The following KIAA0319 variants were observed in gnomAD, a reference collection of about 807,000 sequenced individuals.
KIAA0319 encodes dyslexia-associated protein KIAA0319.
A neutral mutation model predicts 108.4 loss-of-function variants in KIAA0319; 83 were observed. The observed-to-expected ratio is 0.77, with a 90% CI of 0.64 to 0.92. KIAA0319 has a LOEUF of 0.92. KIAA0319 is among the 40% of genes least tolerant of loss of function. The probability of loss-of-function intolerance (pLI) is 0.00; values close to 1 mark genes in which losing one functional copy is unlikely to be tolerated. For missense variants in KIAA0319, 1,195 were observed against 1,322.4 expected (o/e 0.90, Z 1.49); for synonymous variants, 484 against 510.4 (o/e 0.95, Z 0.70).
chr6:24,579,830 A>C (rs1204595604), intron 8 of KIAA0319, 28 bp downstream of exon 8: 1 of 1,555,230 alleles, frequency 6.4e-7, no homozygotes, highest in African/African-American at 1.4e-5. Flanking sequence ...GAAAAAAAGA[A>C]ATCCCTAAAC....
intron 11 of KIAA0319, among the ~76,000 whole-genome samples, chr6:24,571,288 T>G (rs1317098120): frequency 1.3e-5 from 2 of 149,230 alleles, no homozygotes; most frequent in African/African-American, 2.5e-5. Context: ...ACACCTGTAA[T>G]CCCAGTACTT....
chr6:24,572,431 A>T, intron 11 of KIAA0319, 144 bp downstream of exon 11: 2 of 876,256 alleles, frequency 2.3e-6, no homozygotes, highest in Non-Finnish European at 3.4e-6. Flanking sequence ...GGCAAGATTT[A>T]GAACCTTGAA....
intron 1 of KIAA0319, among the ~76,000 whole-genome samples, chr6:24,638,759 CAAA>C (rs70974924): frequency 2.0e-4 from 28 of 140,670 alleles, no homozygotes; most frequent in Admixed American, 4.9e-4. Flanking sequence ...GACTCCGTCT[CAAA>C]AAAAAAAAAA....
At chr6:24,570,916 C>A (rs767679731) in intron 11 of KIAA0319, among the ~76,000 whole-genome samples, 1 of 151,986 alleles carries the variant, frequency 6.6e-6, no homozygotes, top group Non-Finnish European at 1.5e-5. Flanking sequence ...ATTGGCAGGG[C>A]GTGGTAGTTC....
chr6:24,607,239 C>T (rs535164922), intron 1 of KIAA0319, among the ~76,000 whole-genome samples: 1 of 152,122 alleles, frequency 6.6e-6, no homozygotes, highest in Admixed American at 6.5e-5. Flanking sequence ...GCCTGTAATC[C>T]CAGCTACTTG....
At chr6:24,575,098 GGTCTGATTCACA>G (rs955323839) in intron 10 of KIAA0319, among the ~76,000 whole-genome samples, 1 of 152,170 alleles carries the variant, frequency 6.6e-6, no homozygotes, top group Non-Finnish European at 1.5e-5. Flanking sequence ...AATATAAAAG[GGTCTGATTCACA>G]GACCTCATTT....
intron 19 of KIAA0319, among the ~76,000 whole-genome samples, chr6:24,551,957 CA>C (rs1454016916): frequency 1.3e-5 from 2 of 151,940 alleles, no homozygotes; most frequent in African/African-American, 4.8e-5. Flanking sequence ...AAAAAAATAG[CA>C]AAAATTATAA....
At chr6:24,596,698 G>A (rs965356469) in intron 2 of KIAA0319, 80 bp from the exon 3 acceptor site, 41 of 1,356,532 alleles carry the variant, frequency 3.0e-5, no homozygotes, top group South Asian at 1.7e-4. Flanking sequence ...CAGGAAAAGG[G>A]AGTCTTCTCA....
intron 4 of KIAA0319, 130 bp from the exon 5 acceptor site, chr6:24,583,832 A>T: frequency 1.5e-6 from 1 of 645,356 alleles, no homozygotes; most frequent in Non-Finnish European, 2.6e-6. Context: ...TCTTCATAAG[A>T]TTTTAGCTAA....
chr6:24,572,444 G>T, intron 11 of KIAA0319, 131 bp downstream of exon 11: 2 of 995,652 alleles, frequency 2.0e-6, no homozygotes, highest in Non-Finnish European at 2.9e-6. Context: ...ACCTTGAAAT[G>T]AAATTAGTTT....
At chr6:24,611,224 G>A (rs1436154706) in intron 1 of KIAA0319, among the ~76,000 whole-genome samples, 2 of 151,802 alleles carry the variant, frequency 1.3e-5, no homozygotes, top group Admixed American at 6.6e-5. Flanking sequence ...AGGGGCAGTG[G>A]CTCACGCCTG....
intron 6 of KIAA0319, 81 bp downstream of exon 6, chr6:24,582,168 G>C: frequency 1.2e-6 from 1 of 818,962 alleles, no homozygotes. Flanking sequence ...AGACGTTTGG[G>C]TTCAGTAGCT....
chr6:24,567,058 C>T (rs1650956198), intron 13 of KIAA0319, among the ~76,000 whole-genome samples: 1 of 152,114 alleles, frequency 6.6e-6, no homozygotes, highest in Non-Finnish European at 1.5e-5. Context: ...ATTTTACCAA[C>T]ATTTAGGGTA....
chr6:24,591,338 T>C (rs1038533660), intron 3 of KIAA0319, among the ~76,000 whole-genome samples: 4 of 152,152 alleles, frequency 2.6e-5, no homozygotes, highest in African/African-American at 9.7e-5. Context: ...CCAGGCATAA[T>C]TGCTCACACC....
intron 16 of KIAA0319, among the ~76,000 whole-genome samples, chr6:24,559,951 T>TA (rs1762871213): frequency 2.0e-5 from 3 of 152,238 alleles, no homozygotes; most frequent in Non-Finnish European, 4.4e-5. Context: ...GATGGAATCA[T>TA]ACAATATGAG....
At chr6:24,637,454 G>C (rs916805130) in intron 1 of KIAA0319, among the ~76,000 whole-genome samples, 1 of 151,994 alleles carries the variant, frequency 6.6e-6, no homozygotes, top group African/African-American at 2.4e-5. Context: ...TTTTGTTTTA[G>C]TCTTAAGTAA....
chr6:24,583,439 A>G (rs1766933483), intron 5 of KIAA0319, among the ~76,000 whole-genome samples, 165 bp downstream of exon 5: 1 of 152,224 alleles, frequency 6.6e-6, no homozygotes, highest in African/African-American at 2.4e-5. Context: ...AAACTATTTC[A>G]ACAAATGTTG....
chr6:24,587,977 A>G (rs1767803433), intron 4 of KIAA0319, among the ~76,000 whole-genome samples: 1 of 152,226 alleles, frequency 6.6e-6, no homozygotes, highest in African/African-American at 2.4e-5. Context: ...AAAGTGCAGA[A>G]TCTTTAGCAC....
chr6:24,578,230 T>A lies in KIAA0319; in HGVS notation c.1385A>T (p.Asp462Val), dbSNP rs142523157. ...ALIDGSQSTDDTEIVSYHWEE... is the reference protein window; with the variant it reads ...ALIDGSQSTDVTEIVSYHWEE... ...CCAATGATAACTCACTATTTCAGTA[T>A]CATCTGTACTTTCTACAAGATTAAG... The change falls in exon 9 of 21, where the codon GAT (aspartate) becomes GTT (valine). Residue 462 changes from aspartate (D) to valine (V), a missense_variant. Physicochemically the swap from Asp to Val is radical, Grantham distance 152. Coordinates refer to ENST00000378214, the MANE Select transcript of KIAA0319 (RefSeq NM_014809.4). The A allele has an allele frequency of 6.3e-7, 1 of 1,598,650 alleles. No individual in the cohort carries two copies. The highest frequency in any genetic ancestry group is 1.3e-5 in the African/African-American group (1 of 74,612).
Sources: allele counts gnomAD v4.1 joint callset (sites outside exome capture counted in the v4.1 genomes callset), GRCh38; gene constraint gnomAD v4.1.1; transcripts MANE v1.5; gene names NCBI Gene and HGNC (gene_info 2026-07-23, HGNC 2026-07-21).